SEC22C: variants seen among roughly 807,000 people sequenced by gnomAD.
SEC22C encodes vesicle-trafficking protein SEC22c.
SEC22C carries 29 observed loss-of-function variants against 34.7 expected under a neutral mutation model. That is an observed-to-expected ratio of 0.84 (90% CI 0.62 to 1.14). The LOEUF (loss-of-function observed/expected upper bound fraction) is 1.14, where lower values mean the gene tolerates loss of function less well. Among genes scored for constraint, SEC22C ranks in the 50% most tolerant of loss-of-function variants. SEC22C has a pLI of 0.00. For missense variants in SEC22C, 337 were observed against 369.0 expected, an observed-to-expected ratio of 0.91 and a Z score of 0.71; for synonymous variants, 117 against 132.8, an observed-to-expected ratio of 0.88 and a Z score of 0.82.
chr3:42,555,513 T>C (rs975323531), intron 6 of SEC22C, among the ~76,000 whole-genome samples: 22 of 152,188 alleles, frequency 1.4e-4, no homozygotes, highest in African/African-American at 5.1e-4. Context: ...AAAAACTACA[T>C]GTACACAGAT....
At chr3:42,576,829 T>C (rs1387195179) in intron 1 of SEC22C, among the ~76,000 whole-genome samples, 1 of 151,842 alleles carries the variant, frequency 6.6e-6, no homozygotes, top group Non-Finnish European at 1.5e-5. Context: ...CTAAAGCAAT[T>C]CTGAAAAAAG....
chr3:42,548,805 A>G lies in SEC22C; in HGVS notation c.*4443T>C. 2.0e-6 allele frequency: 3 copies of G among 1,465,168 alleles called. No homozygotes were observed. In the South Asian group the frequency reaches 4.2e-5, roughly 20 times the overall value. 90.8% of individuals were successfully genotyped at this position (1,465,168 alleles called of 1,614,324 possible). On this transcript the variant is annotated 3_prime_UTR_variant, in exon 7 of 7. Transcript: ENST00000264454. The stretch of plus-strand genomic sequence containing the variant: ...AGTATAACAAAATGCCTTTTTGTAA[A>G]GGCCAGAAGAAATGGCTGTGCTGTG...
At chr3:42,557,791 G>C (rs1702620696) in intron 4 of SEC22C, 95 bp from the exon 5 acceptor site, 2 of 604,666 alleles carry the variant, frequency 3.3e-6, no homozygotes, top group South Asian at 2.3e-5. Context: ...ACTAATGATA[G>C]GTTCACTATG....
chr3:42,568,578 G>A (rs1470438677), intron 2 of SEC22C, among the ~76,000 whole-genome samples: 3 of 151,394 alleles, frequency 2.0e-5, no homozygotes, highest in Non-Finnish European at 4.4e-5. Flanking sequence ...CCCAGGAGGC[G>A]GAGGTTGCAG....
intron 1 of SEC22C, among the ~76,000 whole-genome samples, chr3:42,597,553 C>T (rs1705063995): frequency 2.1e-5 from 3 of 142,046 alleles, no homozygotes; most frequent in Non-Finnish European, 4.5e-5. Flanking sequence ...GAGACTTTGT[C>T]TCAAAAAAAA....
chr3:42,594,636 C>T (rs1704974158), intron 1 of SEC22C: 1 of 717,568 alleles, frequency 1.4e-6, no homozygotes. Context: ...AATGAAACCT[C>T]TGTGGCTCTT....
In SEC22C at chr3:42,550,330, A is replaced by T. The variant is rs537355590; in HGVS notation, c.*2918T>A. Reference sequence around the variant, plus strand: ...CTACTGGGAAAACAAAAGTGCTACAACAACAGTGAGTCCATGGTGGAGTGA... The same window carrying T: ...CTACTGGGAAAACAAAAGTGCTACATCAACAGTGAGTCCATGGTGGAGTGA... On this transcript the variant is annotated 3_prime_UTR_variant, in exon 7 of 7. Coordinates refer to ENST00000264454, the MANE Select transcript of SEC22C (RefSeq NM_032970.4). 1 of 985,352 alleles carries T rather than the reference A, an allele frequency of 1.0e-6. No homozygotes were observed. Among genetic ancestry groups the T allele is most frequent in the Non-Finnish European group, 1.2e-6 (1 of 829,960 alleles). The allele number at this position is 985,352 out of a possible 1,614,324, so 61.0% of individuals were successfully genotyped here. A position where few individuals can be genotyped will look rare whatever the true frequency, so the allele number is the denominator to read the frequency against.
intron 1 of SEC22C, chr3:42,600,955 C>G (rs1453568337): frequency 6.8e-6 from 10 of 1,476,378 alleles, no homozygotes; most frequent in Non-Finnish European, 8.2e-6. Flanking sequence ...CGCCCCTGCC[C>G]TGACCGCTTT....
At chr3:42,590,494 G>A (rs140615471) in intron 1 of SEC22C, among the ~76,000 whole-genome samples, 28 of 152,252 alleles carry the variant, frequency 1.8e-4, no homozygotes, top group African/African-American at 6.3e-4. Context: ...GGGCGTGGTG[G>A]CGGGCGCCTG....
At chr3:42,565,147 GCTCACACA>G (rs1469511625) in intron 2 of SEC22C, among the ~76,000 whole-genome samples, 2 of 152,100 alleles carry the variant, frequency 1.3e-5, no homozygotes, top group East Asian at 3.8e-4. Flanking sequence ...CTCACTGTCC[GCTCACACA>G]CTTACTACCT....
intron 1 of SEC22C, chr3:42,591,201 C>CTTTTTTT (rs71616053): frequency 0.026 from 12,565 of 482,910 alleles, 186 homozygotes; most frequent in African/African-American, 0.056. Context: ...CCTTTCTCTC[C>CTTTTTTT]TTTTTTTTTT....
chr3:42,598,327 T>A (rs1273461749), intron 1 of SEC22C, among the ~76,000 whole-genome samples: 3 of 130,694 alleles, frequency 2.3e-5, no homozygotes, highest in African/African-American at 8.3e-5. Context: ...AAAGAACAAA[T>A]TTTTTTTTTT....
At chr3:42,553,788 C>G (rs1371961302) in intron 6 of SEC22C, among the ~76,000 whole-genome samples, 1 of 152,220 alleles carries the variant, frequency 6.6e-6, no homozygotes, top group African/African-American at 2.4e-5. Flanking sequence ...AGGCTGCAGA[C>G]AGGGGACCCT....
Position 42,548,846 on chromosome 3 carries a change from A to C in SEC22C, c.*4402T>G. ...CTGTGCTGTGCTGCCTGAAGCAGAA[A>C]AACCTTCATGTACCAGGTGAATGTA... On this transcript the variant is annotated 3_prime_UTR_variant, in exon 7 of 7. Transcript: ENST00000264454. The C allele has an allele frequency of 1.4e-6, 2 of 1,405,044 alleles. No homozygotes were observed. Among genetic ancestry groups the C allele is most frequent in the Non-Finnish European group, 1.9e-6 (2 of 1,079,446 alleles). 87.0% of individuals were successfully genotyped at this position (1,405,044 alleles called of 1,614,324 possible). A position where few individuals can be genotyped will look rare whatever the true frequency, so the allele number is the denominator to read the frequency against.
Position 42,564,004 on chromosome 3 carries a change from T to C in SEC22C, c.183-318A>G, listed in dbSNP as rs567687932. The stretch of plus-strand genomic sequence containing the variant: ...ATCTATTGAGAAAACGTTTTTCTTC[T>C]TTAATCTACATCAACAGATTTCCTA... On this transcript the variant is annotated intron_variant, in intron 2 of 6. Transcript: ENST00000264454. 81 of 1,162,876 alleles carry C rather than the reference T, an allele frequency of 7.0e-5. No homozygotes were observed. In the African/African-American group the frequency reaches 1.3e-3, roughly 18 times the overall value. 72.0% of individuals were successfully genotyped at this position (1,162,876 alleles called of 1,614,324 possible).
Position 42,549,899 on chromosome 3 carries a change from C to G in SEC22C, c.*3349G>C. The G allele has an allele frequency of 3.0e-6, 3 of 985,426 alleles. No individual in the cohort carries two copies. Among genetic ancestry groups the G allele is most frequent in the Non-Finnish European group, 3.6e-6 (3 of 829,934 alleles). 61.0% of individuals were successfully genotyped at this position (985,426 alleles called of 1,614,324 possible). A position where few individuals can be genotyped will look rare whatever the true frequency, so the allele number is the denominator to read the frequency against. ...CAAGCCCAAAAAGCAAAAGCAGGAG[C>G]TTATGGTCACATGCCTCCAGCTGCA... On this transcript the variant is annotated 3_prime_UTR_variant, in exon 7 of 7. Transcript: ENST00000264454.
At chr3:42,573,812 G>T (rs1703791917) in intron 1 of SEC22C, among the ~76,000 whole-genome samples, 1 of 152,072 alleles carries the variant, frequency 6.6e-6, no homozygotes, top group Non-Finnish European at 1.5e-5. Flanking sequence ...AATATGAGAG[G>T]AACTAGATTG....
At chr3:42,560,240 T>G (rs1577308146) in intron 4 of SEC22C, among the ~76,000 whole-genome samples, 1 of 147,106 alleles carries the variant, frequency 6.8e-6, no homozygotes, top group African/African-American at 2.5e-5. Flanking sequence ...ATAAGTAACT[T>G]ATAGAAAAAG....
chr3:42,590,716 C>A, intron 1 of SEC22C: 1 of 680,996 alleles, frequency 1.5e-6, no homozygotes, highest in East Asian at 2.6e-5. Flanking sequence ...AAAACGCCCC[C>A]GGCGTTCTGG....
Sources: allele counts gnomAD v4.1 joint callset (sites outside exome capture counted in the v4.1 genomes callset), GRCh38; gene constraint gnomAD v4.1.1; transcripts MANE v1.5; gene names NCBI Gene and HGNC (gene_info 2026-07-23, HGNC 2026-07-21).